Variants in JPH3 observed in about 807,000 individuals in gnomAD.
JPH3 encodes the protein junctophilin-3.
JPH3 carries 11 observed loss-of-function variants against 59.6 expected under a neutral mutation model. That is an observed-to-expected ratio of 0.18 (90% CI 0.12 to 0.31). The LOEUF (loss-of-function observed/expected upper bound fraction) is 0.31. Among genes scored for constraint, JPH3 ranks in the 10% least tolerant of loss-of-function variants. The pLI is 1.00. For synonymous variants in JPH3, 673 were observed against 483.6 expected (o/e 1.39, Z -5.14); for missense variants, 1,202 against 1,105.7 (o/e 1.09, Z -1.24).
chr16:87,644,029 G>A (rs56365684), intron 1 of JPH3, among the ~76,000 whole-genome samples: 3,721 of 152,222 alleles, frequency 0.024, 78 homozygotes, highest in African/African-American at 0.044. Flanking sequence ...TCCCAGCTGC[G>A]CAGGAGGCTG....
intron 1 of JPH3, among the ~76,000 whole-genome samples, chr16:87,643,236 G>T (rs2032014018): frequency 6.6e-6 from 1 of 152,190 alleles, no homozygotes; most frequent in South Asian, 2.1e-4. Flanking sequence ...CCTTTTCAAG[G>T]CTGAATGATG....
intron 2 of JPH3, among the ~76,000 whole-genome samples, chr16:87,651,650 C>G (rs1231622467): frequency 6.6e-6 from 1 of 152,374 alleles, no homozygotes; most frequent in Non-Finnish European, 1.5e-5. Flanking sequence ...AGAAGCGGAG[C>G]CTGCCGATGG....
intron 1 of JPH3, among the ~76,000 whole-genome samples, chr16:87,634,269 C>T (rs2031660440): frequency 6.6e-6 from 1 of 152,130 alleles, no homozygotes; most frequent in Non-Finnish European, 1.5e-5. Context: ...GGCGAAGACC[C>T]CAAAGACAGG....
At chr16:87,662,478 T>G (rs1386804139) in intron 2 of JPH3, among the ~76,000 whole-genome samples, 1 of 152,064 alleles carries the variant, frequency 6.6e-6, no homozygotes, top group Non-Finnish European at 1.5e-5. Flanking sequence ...TTTGTGGTTG[T>G]TTATAGTGGA....
chr16:87,648,817 T>A (rs954332043), intron 2 of JPH3, among the ~76,000 whole-genome samples: 1 of 152,094 alleles, frequency 6.6e-6, no homozygotes, highest in African/African-American at 2.4e-5. Flanking sequence ...GGAGGGCTTG[T>A]AGAAATGGTG....
chr16:87,643,899 G>A (rs1309394502), intron 1 of JPH3, among the ~76,000 whole-genome samples: 1 of 152,140 alleles, frequency 6.6e-6, no homozygotes, highest in East Asian at 1.9e-4. Context: ...CAGCACTTCT[G>A]GAGGCTGAGG....
At chr16:87,655,140 G>C (rs1218848114) in intron 2 of JPH3, 1 of 152,186 alleles carries the variant, frequency 6.6e-6, no homozygotes, top group Non-Finnish European at 1.5e-5. Flanking sequence ...ACCCTGCATC[G>C]GCAGTAACCG....
intron 3 of JPH3, among the ~76,000 whole-genome samples, chr16:87,687,089 C>T (rs1157052754): frequency 6.6e-6 from 1 of 152,202 alleles, no homozygotes; most frequent in Non-Finnish European, 1.5e-5. Flanking sequence ...AGATTTGATC[C>T]AAGCATTTCT....
chr16:87,622,327 T>A (rs1218946556), intron 1 of JPH3, among the ~76,000 whole-genome samples: 1 of 152,160 alleles, frequency 6.6e-6, no homozygotes, highest in Non-Finnish European at 1.5e-5. Context: ...GAGGTCAGCT[T>A]CCCAGGGGGC....
At chr16:87,606,043 G>T (rs1391680639) in intron 1 of JPH3, among the ~76,000 whole-genome samples, 1 of 152,216 alleles carries the variant, frequency 6.6e-6, no homozygotes, top group Non-Finnish European at 1.5e-5. Context: ...GCTTCCTGTT[G>T]GGAAGGGGGT....
At chr16:87,667,447 G>A (rs552449029) in intron 2 of JPH3, among the ~76,000 whole-genome samples, 35 of 152,336 alleles carry the variant, frequency 2.3e-4, no homozygotes, top group African/African-American at 6.7e-4. Context: ...TCTGCCGCCC[G>A]ACTTCCCCAG....
intron 1 of JPH3, among the ~76,000 whole-genome samples, chr16:87,625,024 C>T (rs1481057696): frequency 6.6e-6 from 1 of 152,232 alleles, no homozygotes; most frequent in Non-Finnish European, 1.5e-5. Flanking sequence ...GTCTCGAACT[C>T]CTGACCTCAA....
At chr16:87,689,576 CG>C (rs936161649) in intron 3 of JPH3, 69 bp from the exon 4 acceptor site, 3 of 1,521,204 alleles carry the variant, frequency 2.0e-6, no homozygotes, top group African/African-American at 2.8e-5. Flanking sequence ...CGCCCTGGCC[CG>C]GGGACCGCGG....
intron 1 of JPH3, among the ~76,000 whole-genome samples, chr16:87,640,063 G>T (rs1280457825): frequency 1.3e-5 from 2 of 152,164 alleles, no homozygotes; most frequent in Admixed American, 6.5e-5. Context: ...CAGCTGAGGG[G>T]GGGCCCAATT....
rs749038197 is a variant in JPH3 at position 87,611,024 on chromosome 16, G to C, written c.382+7496G>C. On this transcript the variant is annotated intron_variant, in intron 1 of 4. Coordinates refer to ENST00000284262, the MANE Select transcript of JPH3 (RefSeq NM_020655.4). The surrounding 1 kb of genome is among the most constrained non-coding windows in gnomAD (Gnocchi z 4.5). ...CAAGGCACAAAGACAGAAAAGCTCA[G>C]GTCCAACCTCAGTGAATCAGCCTTA... 6.6e-6 allele frequency among the ~76,000 whole-genome samples: 1 copy of C among 152,194 alleles called. No individual in the cohort carries two copies. Among genetic ancestry groups the C allele is most frequent in the South Asian group, 2.1e-4 (1 of 4,830 alleles).
rs1395122992 is a variant in JPH3 at position 87,602,654 on chromosome 16, C to T, written c.-493C>T. Among the ~76,000 whole-genome samples, 2 of 140,738 alleles carry T rather than the reference C, an allele frequency of 1.4e-5. No individual in the cohort carries two copies. The highest frequency in any genetic ancestry group is 3.2e-5 in the Non-Finnish European group (2 of 63,428). The allele number at this position is 140,738 out of a possible 152,430, so 92.3% of individuals were successfully genotyped here. ...ATGGTGCAGCCGCCAGCGCCGCCGC[C>T]CGTGCCGCCGCCGCCGCCCGCGGGC... On this transcript the variant is annotated 5_prime_UTR_variant, in exon 1 of 5. Coordinates refer to ENST00000284262, the MANE Select transcript of JPH3 (RefSeq NM_020655.4).
At chr16:87,694,931 C>T in intron 4 of JPH3, 1 of 245,112 alleles carries the variant, frequency 4.1e-6, no homozygotes, top group Non-Finnish European at 8.1e-6. Flanking sequence ...CCCATGTCTT[C>T]CCCGCTGTGT....
At chr16:87,659,591 G>A (rs564246387) in intron 2 of JPH3, among the ~76,000 whole-genome samples, 417 of 151,860 alleles carry the variant, frequency 2.7e-3, no homozygotes, top group Non-Finnish European at 2.7e-3. Flanking sequence ...TGTATTAGTG[G>A]GTGTGGTGAC....
At chr16:87,687,388 G>A (rs561338240) in intron 3 of JPH3, among the ~76,000 whole-genome samples, 5 of 152,156 alleles carry the variant, frequency 3.3e-5, no homozygotes, top group African/African-American at 4.8e-5. Flanking sequence ...CCAGCGCTTC[G>A]GCTGCAGAGA....
Sources: allele counts gnomAD v4.1 joint callset (sites outside exome capture counted in the v4.1 genomes callset), GRCh38; gene constraint gnomAD v4.1.1; non-coding constraint Gnocchi (gnomAD v3.1); transcripts MANE v1.5; gene names NCBI Gene and HGNC (gene_info 2026-07-23, HGNC 2026-07-21).